The following TRPC5 variants were observed in gnomAD, a reference collection of about 807,000 sequenced individuals.
TRPC5 encodes the protein short transient receptor potential channel 5.
In TRPC5, 9 loss-of-function variants were observed where a neutral mutation model predicts 56.5. The observed-to-expected ratio is 0.16, with a 90% confidence interval of 0.10 to 0.28. The LOEUF is 0.28. Among genes scored for constraint, TRPC5 ranks in the 10% least tolerant of loss-of-function variants. The pLI is 1.00. For synonymous variants in TRPC5, 282 were observed against 278.5 expected, an observed-to-expected ratio of 1.01 and a Z score of -0.13; for missense variants, 469 against 748.9, an observed-to-expected ratio of 0.63 and a Z score of 4.36.
At chrX:111,898,170 T>G (rs1214424792) in intron 3 of TRPC5, among the ~76,000 whole-genome samples, 1 of 107,304 alleles carries the variant, frequency 9.3e-6, no homozygotes, top group African/African-American at 3.4e-5. Flanking sequence ...TATTAGCTCT[T>G]CATTTGAATT....
intron 1 of TRPC5, among the ~76,000 whole-genome samples, chrX:111,963,691 G>T (rs748849022): frequency 8.9e-6 from 1 of 111,834 alleles, no homozygotes; most frequent in South Asian, 3.7e-4. Flanking sequence ...TACAGCCACC[G>T]CTGCTGATAC....
At chrX:111,778,054 A>C (rs952110075) in intron 10 of TRPC5, among the ~76,000 whole-genome samples, 5 of 111,881 alleles carry the variant, frequency 4.5e-5, no homozygotes, top group African/African-American at 1.6e-4. Flanking sequence ...AATTATGTCT[A>C]TGAATTAGGA....
intron 2 of TRPC5, among the ~76,000 whole-genome samples, chrX:111,939,806 A>G (rs1926716520): frequency 9.0e-6 from 1 of 111,602 alleles, no homozygotes; most frequent in Non-Finnish European, 1.9e-5. Context: ...TAGTCTGGCT[A>G]AAAGTTTGTT....
In TRPC5 at chrX:111,933,316, A is replaced by C. The variant is rs1225686035; in HGVS notation, c.378+18727T>G. On this transcript the variant is annotated intron_variant, in intron 2 of 10. Transcript: ENST00000262839. ...ATAAGTTGGAAAAAAACAATAACAG[A>C]GTAAATATTGAGCGGGCTGGGGTGA... Among the ~76,000 whole-genome samples, 18 of 111,521 alleles carry C rather than the reference A, an allele frequency of 1.6e-4. No homozygotes were observed. In the Admixed American group the frequency reaches 1.7e-3, roughly 11 times the overall value.
chrX:111,828,472 C>A (rs1250167986), intron 7 of TRPC5, among the ~76,000 whole-genome samples: 1 of 112,073 alleles, frequency 8.9e-6, no homozygotes, highest in African/African-American at 3.2e-5. Context: ...TGAGGCCTCC[C>A]AGCCATGCAG....
intron 3 of TRPC5, among the ~76,000 whole-genome samples, chrX:111,854,562 C>A (rs1923172714): frequency 9.0e-6 from 1 of 111,252 alleles, no homozygotes; most frequent in African/African-American, 3.3e-5. Flanking sequence ...CTCCTGGGAA[C>A]TTACATGCCT....
chrX:112,022,059 G>T (rs1929285541), intron 1 of TRPC5, among the ~76,000 whole-genome samples: 1 of 112,196 alleles, frequency 8.9e-6, no homozygotes, highest in Non-Finnish European at 1.9e-5. Flanking sequence ...CTGAATGATG[G>T]CCCCTAAAGG....
intron 6 of TRPC5, among the ~76,000 whole-genome samples, chrX:111,844,766 G>GT (rs1260367746): frequency 9.1e-6 from 1 of 110,340 alleles, no homozygotes; most frequent in East Asian, 2.9e-4. Flanking sequence ...CGACTGGCCT[G>GT]TTTTTTTCTT....
chrX:111,903,214 C>T (rs948774142), intron 3 of TRPC5: 1 of 111,779 alleles, frequency 8.9e-6, no homozygotes. Context: ...ATATAACCCC[C>T]GCTCCAAGGA....
intron 7 of TRPC5, among the ~76,000 whole-genome samples, chrX:111,821,605 G>A (rs1356648564): frequency 1.8e-5 from 2 of 111,710 alleles, no homozygotes; most frequent in Non-Finnish European, 3.8e-5. Flanking sequence ...AAGAGAGAGG[G>A]CCTTATTAAT....
intron 7 of TRPC5, among the ~76,000 whole-genome samples, chrX:111,823,504 A>G (rs1467516589): frequency 9.0e-6 from 1 of 111,596 alleles, no homozygotes; most frequent in Non-Finnish European, 1.9e-5. Context: ...TTCTTGTCAT[A>G]CAAACGAACT....
At chrX:111,777,938 A>G (rs1000344992) in intron 10 of TRPC5, among the ~76,000 whole-genome samples, 3 of 112,225 alleles carry the variant, frequency 2.7e-5, no homozygotes, top group Non-Finnish European at 5.6e-5. Flanking sequence ...ATCACCCTTT[A>G]TTATTGTTTG....
At chrX:112,072,694 A>G (rs1930744683) in intron 1 of TRPC5, among the ~76,000 whole-genome samples, 1 of 112,193 alleles carries the variant, frequency 8.9e-6, no homozygotes, top group Non-Finnish European at 1.9e-5. Flanking sequence ...GAAACTTCCA[A>G]CTTTAAAGCT....
chrX:112,005,068 T>C (rs915103697), intron 1 of TRPC5, among the ~76,000 whole-genome samples: 1 of 111,531 alleles, frequency 9.0e-6, no homozygotes, highest in African/African-American at 3.3e-5. Context: ...AATGAACATC[T>C]GCGTGCATGT....
At chrX:111,884,309 G>C (rs898719744) in intron 3 of TRPC5, among the ~76,000 whole-genome samples, 2 of 112,462 alleles carry the variant, frequency 1.8e-5, no homozygotes, top group Non-Finnish European at 3.8e-5. Context: ...CCCAGTTTAG[G>C]CCTAAATCTA....
chrX:111,992,866 G>A (rs1325128737), intron 1 of TRPC5, among the ~76,000 whole-genome samples: 1 of 110,292 alleles, frequency 9.1e-6, no homozygotes, highest in Non-Finnish European at 1.9e-5. Context: ...CCAAAGTGCT[G>A]GGATTACAGG....
At chrX:111,825,166 T>C (rs61631792) in intron 7 of TRPC5, among the ~76,000 whole-genome samples, 4,034 of 70,117 alleles carry the variant, frequency 0.058, 435 homozygotes, top group African/African-American at 0.24. Flanking sequence ...TTTCTTTCTT[T>C]CTTTCTTTCT....
At chrX:111,816,744 C>A (rs1206090986) in intron 7 of TRPC5, among the ~76,000 whole-genome samples, 1 of 111,092 alleles carries the variant, frequency 9.0e-6, no homozygotes, top group Non-Finnish European at 1.9e-5. Context: ...TAGTTGGAAG[C>A]TGGAACTGTC....
At chrX:112,052,962 T>C (rs180979392) in intron 1 of TRPC5, among the ~76,000 whole-genome samples, 216 of 111,992 alleles carry the variant, frequency 1.9e-3, no homozygotes, top group African/African-American at 6.7e-3. Context: ...CATTGGCATA[T>C]ATGTCTGCCT....
Sources: allele counts gnomAD v4.1 joint callset (sites outside exome capture counted in the v4.1 genomes callset), GRCh38; gene constraint gnomAD v4.1.1; transcripts MANE v1.5; gene names NCBI Gene and HGNC (gene_info 2026-07-23, HGNC 2026-07-21).